PPP1R1C: variants seen among roughly 807,000 people sequenced by gnomAD.
PPP1R1C encodes the protein protein phosphatase 1 regulatory subunit 1C.
PPP1R1C carries 15 observed loss-of-function variants against 17.4 expected under a neutral mutation model. The ratio of observed to expected loss-of-function variants is 0.86; its 90% CI spans 0.58 to 1.33. The LOEUF (loss-of-function observed/expected upper bound fraction) is 1.33. PPP1R1C is among the 40% of genes most tolerant of loss of function. PPP1R1C has a pLI of 0.00. For missense variants in PPP1R1C, 143 were observed against 130.0 expected, an observed-to-expected ratio of 1.10 and a Z score of -0.48; for synonymous variants, 35 against 43.1, an observed-to-expected ratio of 0.81 and a Z score of 0.73.
chr2:182,078,158 T>C (rs1239031597), intron 4 of PPP1R1C, among the ~76,000 whole-genome samples: 1 of 152,072 alleles, frequency 6.6e-6, no homozygotes, highest in Admixed American at 6.5e-5. Flanking sequence ...CCAGCCTGGG[T>C]GAAAAGAACC....
At chr2:181,960,146 A>G (rs1684745136) in intron 1 of PPP1R1C, among the ~76,000 whole-genome samples, 1 of 152,240 alleles carries the variant, frequency 6.6e-6, no homozygotes, top group African/African-American at 2.4e-5. Flanking sequence ...ATACCTTATC[A>G]GAGATTTGTA....
intron 2 of PPP1R1C, among the ~76,000 whole-genome samples, chr2:182,053,824 A>G (rs1490760351): frequency 6.6e-6 from 1 of 151,902 alleles, no homozygotes; most frequent in African/African-American, 2.4e-5. Context: ...CCTGTTGCCT[A>G]GGCTGGAGTG....
chr2:181,998,899 C>T (rs1364899126), intron 2 of PPP1R1C, among the ~76,000 whole-genome samples: 1 of 152,172 alleles, frequency 6.6e-6, no homozygotes, highest in Non-Finnish European at 1.5e-5. Flanking sequence ...ACCCACTCAC[C>T]ATCACATTTC....
chr2:182,041,854 T>C (rs1687194333), intron 2 of PPP1R1C, among the ~76,000 whole-genome samples: 1 of 152,172 alleles, frequency 6.6e-6, no homozygotes, highest in Non-Finnish European at 1.5e-5. Flanking sequence ...TCATAACCTC[T>C]GTTTATTCTG....
intron 2 of PPP1R1C, among the ~76,000 whole-genome samples, chr2:182,001,226 T>C (rs1364502159): frequency 6.6e-6 from 1 of 152,182 alleles, no homozygotes; most frequent in East Asian, 1.9e-4. Context: ...TTCACTGTTT[T>C]AGTGTAGACA....
rs140232429 is a variant in PPP1R1C, at chr2:182,094,210, C to T, written c.242-22997C>T. On this transcript the variant is annotated intron_variant, in intron 4 of 4. Transcript: ENST00000682840. The stretch of plus-strand genomic sequence containing the variant: ...GTGGCAGGCAAAAAAAGAGCTTGTG[C>T]AGAGAAACTCCCACTTATAAAACCA... 5.3e-5 allele frequency among the ~76,000 whole-genome samples: 8 copies of T among 152,272 alleles called. No homozygotes were observed. The South Asian group carries it at 6.2e-4, about 12-fold the overall frequency.
rs577240467 is a variant in PPP1R1C at position 182,109,026 on chromosome 2, G to A, written c.242-8181G>A. Among the ~76,000 whole-genome samples the A allele has an allele frequency of 2.2e-4, 33 of 152,286 alleles. 1 individual carries two copies. The South Asian group carries it at 6.8e-3, about 32-fold the overall frequency. On this transcript the variant is annotated intron_variant, in intron 4 of 4. Transcript: ENST00000682840. The stretch of plus-strand genomic sequence containing the variant: ...CTCAGTGTTTTGTCAGGTGTTGTCA[G>A]TGTTTTGGATTTCAGCCACTCTCAT...
At chr2:182,110,280 AAAAT>A (rs1332262118) in intron 4 of PPP1R1C, among the ~76,000 whole-genome samples, 2 of 140,886 alleles carry the variant, frequency 1.4e-5, no homozygotes, top group Non-Finnish European at 3.1e-5. Flanking sequence ...GTTCATTATT[AAAAT>A]AAATAATACA....
intron 2 of PPP1R1C, among the ~76,000 whole-genome samples, chr2:182,009,453 G>A (rs564005723): frequency 5.3e-4 from 80 of 151,816 alleles, no homozygotes; most frequent in Non-Finnish European, 9.7e-4. Flanking sequence ...CAGATCTTTC[G>A]CCCATTTTTA....
At chr2:182,090,586 C>G (rs1307137030) in intron 4 of PPP1R1C, among the ~76,000 whole-genome samples, 1 of 151,992 alleles carries the variant, frequency 6.6e-6, no homozygotes, top group Admixed American at 6.6e-5. Context: ...AAATGCTGTG[C>G]TTAATATTTA....
intron 4 of PPP1R1C, among the ~76,000 whole-genome samples, chr2:182,106,992 A>G (rs1689274129): frequency 6.6e-6 from 1 of 152,180 alleles, no homozygotes; most frequent in African/African-American, 2.4e-5. Context: ...ACTAGAGCCC[A>G]ATCTTATGAC....
At chr2:182,018,656 C>A (rs1196186) in intron 2 of PPP1R1C, among the ~76,000 whole-genome samples, 172 of 152,214 alleles carry the variant, frequency 1.1e-3, no homozygotes, top group African/African-American at 3.9e-3. Flanking sequence ...ATTCTATGAG[C>A]TAGAACATGA....
intron 4 of PPP1R1C, among the ~76,000 whole-genome samples, chr2:182,116,363 CA>C (rs1689582171): frequency 1.3e-5 from 2 of 151,886 alleles, no homozygotes; most frequent in Admixed American, 6.6e-5. Flanking sequence ...GTTCTAAGAG[CA>C]GGGGGGAATA....
chr2:181,988,479 C>T (rs1196290), intron 2 of PPP1R1C, among the ~76,000 whole-genome samples: 84,549 of 152,090 alleles, frequency 0.56, 23,880 homozygotes, highest in East Asian at 0.68. Context: ...AAATGAAAAC[C>T]GCATTATTAT....
At chr2:182,105,440 G>T (rs1180481420) in intron 4 of PPP1R1C, among the ~76,000 whole-genome samples, 1 of 151,960 alleles carries the variant, frequency 6.6e-6, no homozygotes, top group African/African-American at 2.4e-5. Flanking sequence ...CAGAGAGGTG[G>T]ATTTTTATCA....
chr2:181,981,848 T>C (rs1216451873), upstream of PPP1R1C, among the ~76,000 whole-genome samples: 1 of 152,218 alleles, frequency 6.6e-6, no homozygotes, highest in African/African-American at 2.4e-5. Flanking sequence ...CAGAAAATCA[T>C]TGCATTAGGG....
intron 4 of PPP1R1C, among the ~76,000 whole-genome samples, chr2:182,115,567 C>G (rs150709953): frequency 2.0e-5 from 3 of 152,052 alleles, no homozygotes; most frequent in African/African-American, 7.2e-5. Flanking sequence ...CTTAATAAAC[C>G]CTCTTCCCTT....
At chr2:181,987,962 A>C in intron 2 of PPP1R1C, 63 bp downstream of exon 2, 1 of 1,377,288 alleles carries the variant, frequency 7.3e-7, no homozygotes, top group South Asian at 1.3e-5. Flanking sequence ...AGAACATCAA[A>C]GTACATGTCG....
intron 2 of PPP1R1C, among the ~76,000 whole-genome samples, chr2:182,046,710 G>C (rs905011951): frequency 7.3e-5 from 11 of 150,540 alleles, no homozygotes; most frequent in Non-Finnish European, 1.2e-4. Context: ...CTGCATTCCA[G>C]CCTGGCAACA....
Sources: allele counts gnomAD v4.1 joint callset (sites outside exome capture counted in the v4.1 genomes callset), GRCh38; gene constraint gnomAD v4.1.1; transcripts MANE v1.5; gene names NCBI Gene and HGNC (gene_info 2026-07-23, HGNC 2026-07-21).